CLEC16A: variants seen among roughly 807,000 people sequenced by gnomAD.
CLEC16A encodes the protein C-type lectin domain containing 16A.
A neutral mutation model predicts 109.5 loss-of-function variants in CLEC16A; 51 were observed. The ratio of observed to expected loss-of-function variants is 0.47; its 90% CI spans 0.37 to 0.59. CLEC16A has a LOEUF of 0.59. Among genes scored for constraint, CLEC16A ranks in the 20% least tolerant of loss-of-function variants. The pLI is 0.00. For synonymous variants in CLEC16A, 673 were observed against 564.2 expected (o/e 1.19, Z -2.73); for missense variants, 1,339 against 1,394.0 (o/e 0.96, Z 0.63).
chr16:11,179,935 C>G lies in CLEC16A; in HGVS notation c.*1245C>G, dbSNP rs1212281499. The G allele has an allele frequency of 6.5e-6, 1 of 152,726 alleles. No individual in the cohort carries two copies. Among genetic ancestry groups the G allele is most frequent in the Admixed American group, 6.5e-5 (1 of 15,284 alleles). 9.5% of individuals were successfully genotyped at this position (152,726 alleles called of 1,614,324 possible). A position where few individuals can be genotyped will look rare whatever the true frequency, so the allele number is the denominator to read the frequency against. On this transcript the variant is annotated 3_prime_UTR_variant, in exon 24 of 24. Transcript: ENST00000409790. ...ACAGCCCCCAAGATGTTCCTTTCTA[C>G]TCGGCCAGCTCGGGAGCCAGACACA...
chr16:11,045,548 TG>T (rs1322036001), intron 16 of CLEC16A, among the ~76,000 whole-genome samples: 1 of 150,866 alleles, frequency 6.6e-6, no homozygotes, highest in African/African-American at 2.4e-5. Context: ...ATTTGGGTGG[TG>T]GGGGGTGGTG....
intron 19 of CLEC16A, among the ~76,000 whole-genome samples, chr16:11,117,397 C>T (rs1311748363): frequency 1.3e-5 from 2 of 152,106 alleles, no homozygotes; most frequent in Non-Finnish European, 2.9e-5. Context: ...TGTTTTGGCA[C>T]ATTTTCTCTG....
intron 22 of CLEC16A, among the ~76,000 whole-genome samples, chr16:11,135,151 A>G (rs1264702999): frequency 2.0e-5 from 3 of 152,204 alleles, no homozygotes; most frequent in Non-Finnish European, 4.4e-5. Context: ...CTTTCTGGCA[A>G]TTGCCTCTAA....
At chr16:11,054,906 C>A (rs2048128340) in intron 18 of CLEC16A, among the ~76,000 whole-genome samples, 3 of 151,772 alleles carry the variant, frequency 2.0e-5, no homozygotes, top group Non-Finnish European at 4.4e-5. Context: ...TTCCAAGCTA[C>A]CCCTTTGGAT....
intron 22 of CLEC16A, among the ~76,000 whole-genome samples, chr16:11,154,797 G>T (rs2054442689): frequency 6.6e-6 from 1 of 151,986 alleles, no homozygotes; most frequent in Admixed American, 6.6e-5. Flanking sequence ...TGTGGTGGCA[G>T]TTGCCTATAA....
chr16:10,980,213 C>T (rs2043241545), intron 9 of CLEC16A, among the ~76,000 whole-genome samples: 1 of 152,184 alleles, frequency 6.6e-6, no homozygotes, highest in South Asian at 2.1e-4. Context: ...AGGAGAGGTT[C>T]AGAGGCCACC....
chr16:10,945,605 C>T (rs1291806829), intron 1 of CLEC16A, among the ~76,000 whole-genome samples: 2 of 152,204 alleles, frequency 1.3e-5, no homozygotes, highest in Non-Finnish European at 2.9e-5. Flanking sequence ...GGGCAAATTA[C>T]TTCACCTCTC....
At chr16:10,969,126 A>G (rs2042657051) in intron 3 of CLEC16A, 35 bp from the exon 4 acceptor site, 2 of 1,571,110 alleles carry the variant, frequency 1.3e-6, no homozygotes, top group Middle Eastern at 2.0e-4. Context: ...TTCCTCCAGC[A>G]TGAGTTAACC....
intron 13 of CLEC16A, among the ~76,000 whole-genome samples, chr16:11,037,260 G>C (rs2047074544): frequency 6.6e-6 from 1 of 152,200 alleles, no homozygotes; most frequent in African/African-American, 2.4e-5. Context: ...CTGTGTGGGT[G>C]CTGCCACCCT....
chr16:11,094,489 G>T (rs1343400206), intron 19 of CLEC16A, among the ~76,000 whole-genome samples: 1 of 152,242 alleles, frequency 6.6e-6, no homozygotes, highest in Non-Finnish European at 1.5e-5. Context: ...AGGAGGGGCA[G>T]CTGAGAGCCA....
At chr16:10,976,630 G>T (rs1459496586) in intron 7 of CLEC16A, among the ~76,000 whole-genome samples, 1 of 152,174 alleles carries the variant, frequency 6.6e-6, no homozygotes, top group African/African-American at 2.4e-5. Flanking sequence ...ACTCCTTGGG[G>T]GTGGTGAAAG....
At chr16:11,173,551 T>C (rs2068614694) in intron 23 of CLEC16A, among the ~76,000 whole-genome samples, 1 of 152,126 alleles carries the variant, frequency 6.6e-6, no homozygotes, top group Non-Finnish European at 1.5e-5. Flanking sequence ...AGGGAGAGGC[T>C]CGTGGAGAGG....
chr16:11,104,707 C>T (rs2051116344), intron 19 of CLEC16A, among the ~76,000 whole-genome samples: 1 of 152,224 alleles, frequency 6.6e-6, no homozygotes, highest in Admixed American at 6.5e-5. Flanking sequence ...TTCCCAACAG[C>T]ATTCCTACAA....
intron 19 of CLEC16A, among the ~76,000 whole-genome samples, chr16:11,069,004 T>C (rs2048914102): frequency 7.0e-6 from 1 of 142,770 alleles, no homozygotes; most frequent in Non-Finnish European, 1.5e-5. Context: ...TTTTTTTTTT[T>C]GTATTTTTAG....
intron 19 of CLEC16A, among the ~76,000 whole-genome samples, chr16:11,096,284 A>G (rs1177064992): frequency 2.0e-5 from 3 of 152,108 alleles, no homozygotes; most frequent in Admixed American, 6.5e-5. Context: ...AGTCAAGCCT[A>G]TAGTGAGCTG....
At chr16:11,024,656 GTC>G (rs1335986908) in intron 12 of CLEC16A, 163 bp from the exon 13 acceptor site, 12 of 565,500 alleles carry the variant, frequency 2.1e-5, no homozygotes, top group Non-Finnish European at 3.8e-5. Context: ...GGCAGAGCCT[GTC>G]TCTCATTTGT....
intron 7 of CLEC16A, 147 bp from the exon 8 acceptor site, chr16:10,977,078 C>T (rs1334699212): frequency 5.6e-6 from 4 of 718,020 alleles, no homozygotes; most frequent in African/African-American, 3.6e-5. Flanking sequence ...TTGTATATCT[C>T]CCCAGTAGGG....
At chr16:11,127,339 G>C (rs1009048874) in intron 22 of CLEC16A, among the ~76,000 whole-genome samples, 2 of 152,124 alleles carry the variant, frequency 1.3e-5, no homozygotes, top group Non-Finnish European at 2.9e-5. Context: ...CTTTTTTGCT[G>C]TTTCGTATTT....
chr16:11,099,435 A>G (rs756120515), intron 19 of CLEC16A, among the ~76,000 whole-genome samples: 1 of 152,254 alleles, frequency 6.6e-6, no homozygotes, highest in Non-Finnish European at 1.5e-5. Flanking sequence ...TAGCAAGACA[A>G]CGGAAAAAGG....
Sources: gnomAD v4.1 joint callset for allele counts (sites outside exome capture counted in the v4.1 genomes callset) on GRCh38, gnomAD v4.1.1 for gene constraint, MANE v1.5 for transcripts, NCBI Gene and HGNC (gene_info 2026-07-23, HGNC 2026-07-21) for gene names.